Variants in CUL4B observed in about 807,000 individuals in gnomAD.
The protein encoded by CUL4B is cullin 4B, also known as cullin-4B.
CUL4B carries 1 observed loss-of-function variant against 69.2 expected under a neutral mutation model. The ratio of observed to expected loss-of-function variants is 0.01; its 90% CI spans 0.01 to 0.07. The LOEUF (loss-of-function observed/expected upper bound fraction) is 0.07, where lower values mean the gene tolerates loss of function less well. Ranked by LOEUF, CUL4B falls within the 10% of genes least tolerant of loss-of-function variation. The probability of loss-of-function intolerance (pLI) is 1.00; values close to 1 mark genes in which losing one functional copy is unlikely to be tolerated. For synonymous variants in CUL4B, 237 were observed against 223.2 expected, an observed-to-expected ratio of 1.06 and a Z score of -0.55; for missense variants, 328 against 638.8, an observed-to-expected ratio of 0.51 and a Z score of 5.24.
chrX:120,536,101 A>T (rs1414648663), intron 15 of CUL4B, among the ~76,000 whole-genome samples, 158 bp from the exon 16 acceptor site: 2 of 112,534 alleles, frequency 1.8e-5, no homozygotes, highest in Non-Finnish European at 3.8e-5. Flanking sequence ...TCTCCCAACC[A>T]CCAAATCAAA....
chrX:120,537,634 TA>T (rs1306011047), intron 14 of CUL4B, among the ~76,000 whole-genome samples: 1 of 112,109 alleles, frequency 8.9e-6, no homozygotes, highest in African/African-American at 3.2e-5. Context: ...AAGTCACTAC[TA>T]AAACCCAAAA....
downstream of CUL4B, among the ~76,000 whole-genome samples, chrX:120,567,118 A>ATTTTTT (rs72483160): frequency 3.6e-5 from 2 of 55,293 alleles, no homozygotes; most frequent in Non-Finnish European, 6.5e-5. Context: ...GCCAATTTAG[A>ATTTTTT]TTTTTTTTTT....
Position 120,560,748 on chromosome X carries a change from A to G in CUL4B, c.-110T>C. The G allele has an allele frequency of 2.2e-6, 2 of 898,015 alleles. No individual in the cohort carries two copies. The highest frequency in any genetic ancestry group is 2.8e-6 in the Non-Finnish European group (2 of 710,905). The allele number at this position is 898,015 out of a possible 1,213,427, so 74.0% of individuals were successfully genotyped here. On this transcript the variant is annotated 5_prime_UTR_variant, in exon 1 of 20. Coordinates refer to ENST00000371322, the MANE Select transcript of CUL4B (RefSeq NM_001079872.2). ...CTAGAGGGGGAAGGGAAGAAAGAAG[A>G]GAGGAGAAACACAGAGGACGAGAAG...
rs759759999 is a variant in CUL4B, at chrX:120,525,730, A to T, written c.*1031T>A. On this transcript the variant is annotated 3_prime_UTR_variant, in exon 20 of 20. Coordinates refer to ENST00000371322, the MANE Select transcript of CUL4B (RefSeq NM_001079872.2). ...GAAAGGCTTATTTATCAACAAAGAGAAGAGTTGGGATGCTTCTAAAAAAAA... is the reference window on the plus strand; with the variant it reads ...GAAAGGCTTATTTATCAACAAAGAGTAGAGTTGGGATGCTTCTAAAAAAAA... 1 of 111,198 alleles carries T rather than the reference A, an allele frequency of 9.0e-6. No individual in the cohort carries two copies. The highest frequency in any genetic ancestry group is 1.9e-5 in the Non-Finnish European group (1 of 53,024). The allele number at this position is 111,198 out of a possible 1,213,427, so 9.2% of individuals were successfully genotyped here.
At position 120,534,561 on chromosome X, in the gene CUL4B, A is replaced by G; in HGVS notation, c.2186T>C (p.Leu729Pro). ...CATTAGCAGCACCAGTGTTTGAAAA[A>G]GAGAGACCTGGAGTTCCTTTTTACC... Reference protein sequence around the residue: ...KEGKKELQVSLFQTLVLLMFN... With the variant: ...KEGKKELQVSPFQTLVLLMFN... Residue 729 changes from leucine to proline, a missense_variant, in exon 17 of 20, where the codon CTT becomes CCT. Around this residue, in one of 4 missense-constraint regions of CUL4B, gnomAD observed 98 missense variants for 296.8 expected, o/e 0.33. Transcript: ENST00000371322. The G allele has an allele frequency of 8.3e-7, 1 of 1,203,573 alleles. No individual in the cohort carries two copies.
chrX:120,546,823 T>C (rs1217524395), intron 3 of CUL4B, among the ~76,000 whole-genome samples: 1 of 112,217 alleles, frequency 8.9e-6, no homozygotes, highest in Non-Finnish European at 1.9e-5. Context: ...AAAACAAGTC[T>C]TAGACATAAC....
At chrX:120,575,390 G>C (rs1016399932) in intron 1 of CUL4B, 1 of 112,455 alleles carries the variant, frequency 8.9e-6, no homozygotes, top group African/African-American at 3.2e-5. Context: ...AATCTCAAAA[G>C]GGCATTTTAG....
intron 18 of CUL4B, 26 bp from the exon 19 acceptor site, chrX:120,530,280 A>G (rs1244208219): frequency 8.4e-7 from 1 of 1,193,271 alleles, no homozygotes. Context: ...TAAACCTAGG[A>G]ATTATACCAG....
chrX:120,561,697 C>T (rs1163036938), upstream of CUL4B, among the ~76,000 whole-genome samples: 1 of 108,868 alleles, frequency 9.2e-6, no homozygotes, highest in Admixed American at 9.8e-5. Flanking sequence ...CGTAAGGGTC[C>T]GGGAGAATAG....
intron 2 of CUL4B, among the ~76,000 whole-genome samples, chrX:120,551,266 T>C (rs1924669568): frequency 1.8e-5 from 2 of 110,418 alleles, no homozygotes; most frequent in Non-Finnish European, 3.8e-5. Context: ...GGGTGCAATC[T>C]TGGCTCAGTG....
intron 18 of CUL4B, among the ~76,000 whole-genome samples, chrX:120,530,533 G>A (rs773590497): frequency 2.2e-4 from 25 of 112,020 alleles, no homozygotes; most frequent in Admixed American, 2.2e-3. Context: ...GATAGCTGAT[G>A]TGGAATTTAC....
chrX:120,531,515 A>G (rs1246788175), intron 18 of CUL4B, among the ~76,000 whole-genome samples: 2 of 105,415 alleles, frequency 1.9e-5, no homozygotes, highest in Non-Finnish European at 3.9e-5. Flanking sequence ...GCTGCAGTGC[A>G]GTGGCGCGAT....
rs1478679885 is a variant in CUL4B, at chrX:120,560,176, C to T, written c.463G>A (p.Ala155Thr). Residue 155 changes from alanine (A) to threonine (T), a missense_variant, in exon 1 of 20, where the codon GCA becomes ACA. By Grantham distance (58) the Ala-to-Thr change is moderately conservative. Coordinates refer to ENST00000371322, the MANE Select transcript of CUL4B (RefSeq NM_001079872.2). ...LISSVASVHH[A>T]NGLAKSSTTV... Reference sequence around the variant, plus strand: ...GTAGAAGATTTGGCTAGGCCGTTTGCATGATGCACCGAAGCCACAGAAGAG... The same window carrying T: ...GTAGAAGATTTGGCTAGGCCGTTTGTATGATGCACCGAAGCCACAGAAGAG... The T allele has an allele frequency of 8.3e-7, 1 of 1,210,099 alleles. No individual in the cohort carries two copies. Among genetic ancestry groups the T allele is most frequent in the African/African-American group, 1.7e-5 (1 of 57,166 alleles).
At chrX:120,546,648 T>C in intron 3 of CUL4B, 32 bp from the exon 4 acceptor site, 2 of 1,047,940 alleles carry the variant, frequency 1.9e-6, no homozygotes, top group African/African-American at 3.6e-5. Flanking sequence ...TTTTAAAGCG[T>C]TTGGTACAAG....
At chrX:120,559,672 C>T (rs931368235) in intron 1 of CUL4B, 1 of 475,216 alleles carries the variant, frequency 2.1e-6, no homozygotes, top group Non-Finnish European at 3.2e-6. Flanking sequence ...CATTTCTAGG[C>T]ATTGGATAAT....
intron 17 of CUL4B, among the ~76,000 whole-genome samples, chrX:120,534,272 G>A (rs1461776547): frequency 9.5e-6 from 1 of 105,807 alleles, no homozygotes; most frequent in Non-Finnish European, 1.9e-5. Context: ...TGCTTGGCAG[G>A]CTGAGGCAGG....
At chrX:120,544,316 TC>T in intron 6 of CUL4B, 113 bp from the exon 7 acceptor site, 1 of 796,010 alleles carries the variant, frequency 1.3e-6, no homozygotes, top group South Asian at 2.2e-5. Context: ...CAAGCTAGGA[TC>T]CTTTTGTAGT....
At chrX:120,563,272 C>A (rs1428342605), upstream of CUL4B, among the ~76,000 whole-genome samples, 1 of 111,828 alleles carries the variant, frequency 8.9e-6, no homozygotes, top group African/African-American at 3.3e-5. Context: ...CTTGCTGTGT[C>A]GCCCAGGCTG....
chrX:120,535,978 T>C, intron 15 of CUL4B, 35 bp from the exon 16 acceptor site: 2 of 952,388 alleles, frequency 2.1e-6, no homozygotes, highest in Middle Eastern at 5.2e-4. Flanking sequence ...ATTTAAGCTC[T>C]GTATCCAATA....
Sources: gnomAD v4.1 joint callset for allele counts (sites outside exome capture counted in the v4.1 genomes callset) on GRCh38, gnomAD v4.1.1 for gene constraint, gnomAD v4.1.1 regional missense constraint, MANE v1.5 for transcripts, NCBI Gene and HGNC (gene_info 2026-07-23, HGNC 2026-07-21) for gene names.